The following FAM149B1 variants were observed in gnomAD, a reference collection of about 807,000 sequenced individuals.
The protein encoded by FAM149B1 is family with sequence similarity 149 member B1.
FAM149B1 carries 56 observed loss-of-function variants against 75.3 expected under a neutral mutation model. The ratio of observed to expected loss-of-function variants is 0.74; its 90% CI spans 0.60 to 0.93. The LOEUF (loss-of-function observed/expected upper bound fraction) is 0.93, where lower values mean the gene tolerates loss of function less well. Among genes scored for constraint, FAM149B1 ranks in the 40% least tolerant of loss-of-function variants. The pLI, the probability that FAM149B1 is intolerant of heterozygous loss-of-function variation, is 0.00. For synonymous variants in FAM149B1, 259 were observed against 256.1 expected (o/e 1.01, Z -0.11); for missense variants, 639 against 708.4 (o/e 0.90, Z 1.11).
At chr10:73,182,591 C>T (rs2042425371) in intron 3 of FAM149B1, among the ~76,000 whole-genome samples, 1 of 152,196 alleles carries the variant, frequency 6.6e-6, no homozygotes. Context: ...AATGGTGGAC[C>T]TCAGAATCCA....
intron 5 of FAM149B1, among the ~76,000 whole-genome samples, chr10:73,206,936 A>G (rs1270983989): frequency 6.6e-6 from 1 of 152,076 alleles, no homozygotes; most frequent in Non-Finnish European, 1.5e-5. Flanking sequence ...CAAACAAACA[A>G]ACAAACAAAT....
chr10:73,239,977 TGCAGTGGCA>T (rs2043905071), intron 13 of FAM149B1, among the ~76,000 whole-genome samples: 5 of 152,212 alleles, frequency 3.3e-5, no homozygotes, highest in Non-Finnish European at 7.3e-5. Context: ...CAGGCCAGAA[TGCAGTGGCA>T]TGATCATGGC....
intron 13 of FAM149B1, among the ~76,000 whole-genome samples, chr10:73,240,172 C>CA (rs1483229517): frequency 6.6e-6 from 1 of 152,158 alleles, no homozygotes; most frequent in Non-Finnish European, 1.5e-5. Flanking sequence ...GTCTTCTCAC[C>CA]ACCATCAGGG....
At chr10:73,180,960 T>A (rs1455942277) in intron 3 of FAM149B1, among the ~76,000 whole-genome samples, 1 of 151,576 alleles carries the variant, frequency 6.6e-6, no homozygotes. Context: ...ATTTCTACCC[T>A]GATCTTTATT....
At chr10:73,192,731 G>A in intron 4 of FAM149B1, 33 bp downstream of exon 4, 1 of 1,474,534 alleles carries the variant, frequency 6.8e-7, no homozygotes, top group Non-Finnish European at 9.0e-7. Flanking sequence ...TTGTATTCAT[G>A]GCTAATACTA....
At position 73,208,716 on chromosome 10, in the gene FAM149B1, G is replaced by T. The variant is rs2043121888; in HGVS notation, c.640G>T (p.Asp214Tyr). 2.6e-6 allele frequency: 4 copies of T among 1,548,634 alleles called. No homozygotes were observed. The highest frequency in any genetic ancestry group is 3.5e-6 in the Non-Finnish European group (4 of 1,145,236). The stretch of plus-strand genomic sequence containing the variant: ...CTCCAGCTTTTGTTCTATGGAAAGA[G>T]ATGAGGAAGACTCTATAATCGTCTC... ...KSSSFCSMER[D>Y]EEDSIIVSEG... The change falls in exon 6 of 14, where the codon GAT (aspartate) becomes TAT (tyrosine). Residue 214 changes from aspartate to tyrosine, a missense_variant. Physicochemically the swap from Asp to Tyr is radical, Grantham distance 160 (BLOSUM62 -3). Coordinates refer to ENST00000242505, the MANE Select transcript of FAM149B1 (RefSeq NM_173348.2).
At chr10:73,216,464 T>C (rs1012470541) in intron 7 of FAM149B1, among the ~76,000 whole-genome samples, 1 of 151,594 alleles carries the variant, frequency 6.6e-6, no homozygotes, top group Non-Finnish European at 1.5e-5. Flanking sequence ...GTTTTATAAA[T>C]TATGTTTCTT....
chr10:73,240,522 C>A (rs967284329), intron 13 of FAM149B1, among the ~76,000 whole-genome samples: 16 of 152,084 alleles, frequency 1.1e-4, no homozygotes, highest in Admixed American at 2.6e-4. Context: ...ACCATCCTGG[C>A]TAACATGGTG....
At chr10:73,239,736 G>C (rs2043899908) in intron 13 of FAM149B1, among the ~76,000 whole-genome samples, 1 of 151,746 alleles carries the variant, frequency 6.6e-6, no homozygotes, top group Non-Finnish European at 1.5e-5. Context: ...AACATAGCAT[G>C]GATTTTATTA....
At chr10:73,237,777 G>T (rs529184202) in intron 12 of FAM149B1, among the ~76,000 whole-genome samples, 16 of 152,058 alleles carry the variant, frequency 1.1e-4, no homozygotes, top group Middle Eastern at 3.4e-3. Context: ...CCAGGCTGGA[G>T]TGTAGTGGTG....
intron 5 of FAM149B1, among the ~76,000 whole-genome samples, chr10:73,201,422 T>C (rs1295168107): frequency 6.6e-6 from 1 of 152,232 alleles, no homozygotes; most frequent in Non-Finnish European, 1.5e-5. Context: ...CTTTATCCTC[T>C]TTAGAGTTAA....
chr10:73,225,269 G>C (rs892891796), intron 7 of FAM149B1, among the ~76,000 whole-genome samples: 7 of 152,212 alleles, frequency 4.6e-5, no homozygotes, highest in African/African-American at 1.4e-4. Flanking sequence ...TATTCCAGAA[G>C]AAGGCATTGT....
At chr10:73,199,483 C>T (rs940592137) in intron 5 of FAM149B1, among the ~76,000 whole-genome samples, 3 of 152,118 alleles carry the variant, frequency 2.0e-5, no homozygotes, top group African/African-American at 7.2e-5. Flanking sequence ...TCCCAAAGTG[C>T]TGAGATTACA....
At chr10:73,210,871 A>T (rs1300076168) in intron 7 of FAM149B1, among the ~76,000 whole-genome samples, 1 of 152,102 alleles carries the variant, frequency 6.6e-6, no homozygotes, top group African/African-American at 2.4e-5. Context: ...GAAAAACCCA[A>T]ATGTTTTTCC....
At chr10:73,182,373 C>CCTGG (rs2042420478) in intron 3 of FAM149B1, among the ~76,000 whole-genome samples, 1 of 152,132 alleles carries the variant, frequency 6.6e-6, no homozygotes, top group Non-Finnish European at 1.5e-5. Context: ...CACCACCATG[C>CCTGG]CTGGCTAATT....
intron 1 of FAM149B1, among the ~76,000 whole-genome samples, chr10:73,173,941 G>A (rs1430083235): frequency 6.6e-6 from 1 of 152,072 alleles, no homozygotes; most frequent in Non-Finnish European, 1.5e-5. Flanking sequence ...TTTTCTATTG[G>A]CTTTGGCTTT....
chr10:73,236,642 G>A (rs1053827231), intron 12 of FAM149B1, among the ~76,000 whole-genome samples: 2 of 151,652 alleles, frequency 1.3e-5, no homozygotes, highest in Non-Finnish European at 2.9e-5. Flanking sequence ...TCGAACTCCT[G>A]ACCTCATTAT....
At chr10:73,199,596 C>T (rs2042887651) in intron 5 of FAM149B1, among the ~76,000 whole-genome samples, 1 of 152,048 alleles carries the variant, frequency 6.6e-6, no homozygotes, top group Non-Finnish European at 1.5e-5. Flanking sequence ...TCCTCAAACT[C>T]CTGAGCTCAA....
intron 3 of FAM149B1, among the ~76,000 whole-genome samples, chr10:73,186,424 T>C (rs1285445881): frequency 6.6e-6 from 1 of 152,188 alleles, no homozygotes; most frequent in Non-Finnish European, 1.5e-5. Context: ...CCTTAAGATT[T>C]AGAACAAGGT....
Sources: allele counts gnomAD v4.1 joint callset (sites outside exome capture counted in the v4.1 genomes callset), GRCh38; gene constraint gnomAD v4.1.1; transcripts MANE v1.5; gene names NCBI Gene and HGNC (gene_info 2026-07-23, HGNC 2026-07-21).